Variants in CSMD1 observed in about 807,000 individuals in gnomAD.
CSMD1 encodes the protein CUB and Sushi multiple domains 1, also known as CUB and sushi domain-containing protein 1.
CSMD1 carries 213 observed loss-of-function variants against 417.5 expected under a neutral mutation model. The observed-to-expected ratio is 0.51, with a 90% CI of 0.46 to 0.57. CSMD1 has a LOEUF of 0.57. Ranked by LOEUF, CSMD1 falls within the 20% of genes least tolerant of loss-of-function variation. The pLI is 0.00. For synonymous variants in CSMD1, 2,862 were observed against 1,736.8 expected, an observed-to-expected ratio of 1.65 and a Z score of -16.11; for missense variants, 6,923 against 4,529.7, an observed-to-expected ratio of 1.53 and a Z score of -15.17.
At chr8:3,488,556 G>A (rs1299061254) in intron 11 of CSMD1, among the ~76,000 whole-genome samples, 2 of 152,134 alleles carry the variant, frequency 1.3e-5, no homozygotes, top group Admixed American at 6.5e-5. Context: ...GATTCATACT[G>A]CTAATTATAT....
chr8:4,637,691 T>C (rs1802916198), intron 1 of CSMD1, 133 bp from the exon 2 acceptor site: 1 of 557,022 alleles, frequency 1.8e-6, no homozygotes, highest in Admixed American at 3.6e-5. Flanking sequence ...TGAGACGGAG[T>C]CTCGCTCTGT....
Position 4,770,930 on chromosome 8 carries a change from G to C in CSMD1, c.86-133372C>G, listed in dbSNP as rs532782545. ...CCCATATATCACACCAAAAATTCAG[G>C]CTACAGAACAAACAATAAATAAATG... On this transcript the variant is annotated intron_variant, in intron 1 of 69. Transcript: ENST00000635120. Among the ~76,000 whole-genome samples the C allele has an allele frequency of 2.8e-4, 42 of 152,146 alleles. No homozygotes were observed. The East Asian group carries it at 6.8e-3, about 25-fold the overall frequency.
At chr8:4,777,026 A>T (rs1487165320) in intron 1 of CSMD1, among the ~76,000 whole-genome samples, 2 of 152,148 alleles carry the variant, frequency 1.3e-5, no homozygotes, top group Admixed American at 6.6e-5. Flanking sequence ...TATCTAGTAA[A>T]GTTCGGTGTG....
intron 49 of CSMD1, among the ~76,000 whole-genome samples, chr8:3,060,657 C>A (rs181615286): frequency 6.6e-6 from 1 of 152,152 alleles, no homozygotes; most frequent in African/African-American, 2.4e-5. Context: ...GCTATGGAAA[C>A]AATCAGGTAT....
intron 5 of CSMD1, among the ~76,000 whole-genome samples, chr8:3,874,169 G>C (rs1483534540): frequency 6.6e-6 from 1 of 152,156 alleles, no homozygotes; most frequent in Non-Finnish European, 1.5e-5. Flanking sequence ...GTGCTATAAA[G>C]TGTAATTATC....
chr8:3,651,840 C>T (rs1797873093), intron 7 of CSMD1, among the ~76,000 whole-genome samples: 1 of 150,950 alleles, frequency 6.6e-6, no homozygotes, highest in Admixed American at 6.6e-5. Flanking sequence ...CATCAGAGCA[C>T]CCACCATCGC....
intron 6 of CSMD1, among the ~76,000 whole-genome samples, chr8:3,722,730 G>T (rs1043482647): frequency 6.6e-6 from 1 of 152,300 alleles, no homozygotes; most frequent in East Asian, 1.9e-4. Context: ...GAAAACTCTT[G>T]TCGTTAGGTT....
chr8:3,236,183 G>A (rs751471423), intron 26 of CSMD1, among the ~76,000 whole-genome samples: 1 of 152,022 alleles, frequency 6.6e-6, no homozygotes. Flanking sequence ...CTCCGAAAGT[G>A]CTGGGAATAC....
At chr8:3,139,778 A>G (rs1467469721) in intron 41 of CSMD1, among the ~76,000 whole-genome samples, 1 of 152,128 alleles carries the variant, frequency 6.6e-6, no homozygotes, top group African/African-American at 2.4e-5. Flanking sequence ...AATTTCATGG[A>G]TAGTAGCTGA....
intron 30 of CSMD1, among the ~76,000 whole-genome samples, chr8:3,206,167 T>G (rs1160842867): frequency 2.0e-5 from 3 of 150,294 alleles, no homozygotes; most frequent in Non-Finnish European, 3.0e-5. Context: ...AATTTAAAAC[T>G]AAAAGAATCC....
rs200372082 is a variant in CSMD1, at chr8:3,354,887, ATG to A, written c.3304+4263_3304+4264del. Among the ~76,000 whole-genome samples the A allele has an allele frequency of 2.3e-4, 34 of 149,046 alleles. 1 individual carries two copies. Among genetic ancestry groups the A allele is most frequent in the Admixed American group, 1.1e-3 (16 of 14,818 alleles). ...TATAGATATACATATATCTATAGATATGTCTATCTATAGATCTATCTATAGAT... is the reference window on the plus strand; with the variant it reads ...TATAGATATACATATATCTATAGATATCTATCTATAGATCTATCTATAGAT... On this transcript the variant is annotated intron_variant, in intron 21 of 69. Transcript: ENST00000635120.
intron 2 of CSMD1, among the ~76,000 whole-genome samples, chr8:4,482,809 C>G (rs1027439856): frequency 6.6e-6 from 1 of 152,042 alleles, no homozygotes; most frequent in East Asian, 1.9e-4. Context: ...GAGACAGTAT[C>G]TCATTAAAGA....
At chr8:3,230,455 T>G (rs1270671336) in intron 26 of CSMD1, among the ~76,000 whole-genome samples, 2 of 151,874 alleles carry the variant, frequency 1.3e-5, no homozygotes, top group Non-Finnish European at 2.9e-5. Context: ...CTGTTGAAAA[T>G]GCAACCAATG....
chr8:3,997,982 C>A lies in CSMD1; in HGVS notation c.739G>T (p.Ala247Ser). ...AGCTGAAAGTCAGTGAAGACCAGCG[C>A]AATGGTGTCCCCGGGCTCAGCCAGA... ...TILAEPGDTI[A>S]LVFTDFQLEE... The change falls in exon 5 of 70, where the codon GCG becomes TCG. Residue 247 changes from alanine (A) to serine (S), a missense_variant. Coordinates refer to ENST00000635120, the MANE Select transcript of CSMD1 (RefSeq NM_033225.6). 1 of 1,611,038 alleles carries A rather than the reference C, an allele frequency of 6.2e-7. No individual in the cohort carries two copies. Among genetic ancestry groups the A allele is most frequent in the Non-Finnish European group, 8.5e-7 (1 of 1,178,540 alleles).
chr8:4,283,906 T>C (rs968837651), intron 3 of CSMD1, among the ~76,000 whole-genome samples: 1 of 152,334 alleles, frequency 6.6e-6, no homozygotes, highest in African/African-American at 2.4e-5. Context: ...ATTTTCATCC[T>C]AGAATGTTTG....
At chr8:2,966,829 G>C (rs113128454) in intron 57 of CSMD1, 83 bp from the exon 58 acceptor site, 3 of 1,259,890 alleles carry the variant, frequency 2.4e-6, no homozygotes, top group Non-Finnish European at 3.4e-6. Context: ...ATGGGTATCA[G>C]TGCAATAGAC....
At position 3,554,805 on chromosome 8, in the gene CSMD1, G is replaced by A. The variant is rs190331909; in HGVS notation, c.1344+20140C>T. ...AGTAAGCAGAAGAGATTTCAACAGT[G>A]TGTCAAGTGAGCTGGGTCTGGGCAG... On this transcript the variant is annotated intron_variant, in intron 10 of 69. Transcript: ENST00000635120. 2.3e-4 allele frequency among the ~76,000 whole-genome samples: 35 copies of A among 152,280 alleles called. No homozygotes were observed. The East Asian group carries it at 6.2e-3, about 27-fold the overall frequency.
At chr8:3,784,400 T>C (rs13282787) in intron 5 of CSMD1, among the ~76,000 whole-genome samples, 22,955 of 152,142 alleles carry the variant, frequency 0.15, 2,038 homozygotes, top group Admixed American at 0.21. Flanking sequence ...AGCCCAGAAA[T>C]AACTGCTGTT....
At chr8:4,612,193 G>A (rs1301508659) in intron 2 of CSMD1, among the ~76,000 whole-genome samples, 3 of 152,160 alleles carry the variant, frequency 2.0e-5, no homozygotes, top group South Asian at 4.2e-4. Flanking sequence ...AAAAAAAACT[G>A]GCTGCAGGCA....
Sources: allele counts gnomAD v4.1 joint callset (sites outside exome capture counted in the v4.1 genomes callset), GRCh38; gene constraint gnomAD v4.1.1; transcripts MANE v1.5; gene names NCBI Gene and HGNC (gene_info 2026-07-23, HGNC 2026-07-21).